TRAPPC9: variants seen among roughly 807,000 people sequenced by gnomAD.
TRAPPC9 encodes the protein IKK2 binding protein.
In TRAPPC9, 83 loss-of-function variants were observed where a neutral mutation model predicts 124.0. The observed-to-expected ratio is 0.67, with a 90% confidence interval of 0.56 to 0.80. TRAPPC9 has a LOEUF of 0.80. TRAPPC9 is among the 30% of genes least tolerant of loss of function. The pLI, the probability that TRAPPC9 is intolerant of heterozygous loss-of-function variation, is 0.00. For synonymous variants in TRAPPC9, 638 were observed against 617.5 expected, an observed-to-expected ratio of 1.03 and a Z score of -0.49; for missense variants, 1,302 against 1,508.3, an observed-to-expected ratio of 0.86 and a Z score of 2.27.
chr8:140,296,599 G>A (rs902379419), intron 11 of TRAPPC9, among the ~76,000 whole-genome samples: 1 of 152,222 alleles, frequency 6.6e-6, no homozygotes, highest in Non-Finnish European at 1.5e-5. Flanking sequence ...GAAAAGCAGA[G>A]AGGCAGGGCC....
At chr8:139,917,188 T>TTTTTTTTG in intron 19 of TRAPPC9, among the ~76,000 whole-genome samples, 1 of 146,898 alleles carries the variant, frequency 6.8e-6, no homozygotes, top group Non-Finnish European at 1.5e-5. Flanking sequence ...TTTTTTTTTT[T>TTTTTTTTG]GTTGAGACGG....
chr8:140,285,538 C>T (rs759616132), intron 13 of TRAPPC9, among the ~76,000 whole-genome samples: 8 of 152,134 alleles, frequency 5.3e-5, no homozygotes, highest in South Asian at 4.1e-4. Context: ...CCTTTGGCAC[C>T]GTGTGTAAGA....
chr8:140,099,916 AG>A (rs1344043096), intron 17 of TRAPPC9: 3 of 147,546 alleles, frequency 2.0e-5, no homozygotes, highest in African/African-American at 7.6e-5. Flanking sequence ...ACGCTCACCC[AG>A]GTCCTCCGCA....
intron 19 of TRAPPC9, among the ~76,000 whole-genome samples, chr8:139,911,725 G>A: frequency 7.1e-6 from 1 of 141,460 alleles, no homozygotes; most frequent in African/African-American, 2.8e-5. Flanking sequence ...AAAAAAGTAG[G>A]CCTTTTTTTT....
intron 19 of TRAPPC9, among the ~76,000 whole-genome samples, chr8:139,981,245 C>A (rs1017639284): frequency 6.6e-6 from 1 of 152,178 alleles, no homozygotes; most frequent in Non-Finnish European, 1.5e-5. Context: ...GCCAGGGAGT[C>A]CAGAGCCCAG....
At chr8:140,201,718 T>C (rs2062794436) in intron 17 of TRAPPC9, among the ~76,000 whole-genome samples, 1 of 152,218 alleles carries the variant, frequency 6.6e-6, no homozygotes, top group Admixed American at 6.5e-5. Flanking sequence ...TTTTATATAA[T>C]ACATCTAACT....
intron 18 of TRAPPC9, among the ~76,000 whole-genome samples, chr8:140,023,139 G>A (rs952861697): frequency 1.3e-5 from 2 of 151,854 alleles, no homozygotes; most frequent in South Asian, 2.1e-4. Context: ...AGCCGGACAC[G>A]AACACCAGGA....
intron 19 of TRAPPC9, chr8:139,931,716 A>G (rs1833156054): frequency 6.4e-6 from 1 of 156,316 alleles, no homozygotes; most frequent in African/African-American, 2.4e-5. Flanking sequence ...GATCTCCACG[A>G]TTTGTCAGCC....
chr8:140,425,279 C>G (rs562480654), intron 5 of TRAPPC9, among the ~76,000 whole-genome samples: 11 of 152,302 alleles, frequency 7.2e-5, no homozygotes, highest in Admixed American at 4.6e-4. Context: ...ACTCGCTCTC[C>G]CATTGGTAAA....
At chr8:139,942,156 C>T (rs545807000) in intron 19 of TRAPPC9, among the ~76,000 whole-genome samples, 1 of 152,278 alleles carries the variant, frequency 6.6e-6, no homozygotes, top group African/African-American at 2.4e-5. Context: ...GACGGTGACT[C>T]GGGATGGTAA....
intron 17 of TRAPPC9, among the ~76,000 whole-genome samples, chr8:140,189,026 A>C (rs912858429): frequency 6.6e-6 from 1 of 152,178 alleles, no homozygotes; most frequent in African/African-American, 2.4e-5. Context: ...ATAACACTAC[A>C]AATGCTTCTG....
At chr8:139,777,735 C>G (rs1350300736) in intron 21 of TRAPPC9, among the ~76,000 whole-genome samples, 1 of 152,162 alleles carries the variant, frequency 6.6e-6, no homozygotes, top group Non-Finnish European at 1.5e-5. Context: ...ATAAAACAGA[C>G]AAAATACATG....
At chr8:140,144,603 C>T (rs1239296834) in intron 17 of TRAPPC9, among the ~76,000 whole-genome samples, 1 of 152,190 alleles carries the variant, frequency 6.6e-6, no homozygotes, top group Non-Finnish European at 1.5e-5. Flanking sequence ...ATTCTCCTGC[C>T]TCAGCCTCCT....
At chr8:140,184,431 CTT>C in intron 17 of TRAPPC9, among the ~76,000 whole-genome samples, 1 of 151,752 alleles carries the variant, frequency 6.6e-6, no homozygotes, top group Admixed American at 6.6e-5. Context: ...TCTTAAATAC[CTT>C]TATTATTTTT....
rs1216025888 is a variant in TRAPPC9 at position 140,063,655 on chromosome 8, T to G, written c.2557-39576A>C. On this transcript the variant is annotated intron_variant, in intron 17 of 22. Transcript: ENST00000438773. This position sits in a 1 kb window ranked among gnomAD's most constrained non-coding sequence, Gnocchi z 4.3. ...TCACACTATAAGATTTAGTGCATAC[T>G]TTTTTCCATAAAAGAATTATTTCGG... is the stretch of plus-strand genomic sequence containing the variant. Among the ~76,000 whole-genome samples, 3 of 152,236 alleles carry G rather than the reference T, an allele frequency of 2.0e-5. No homozygotes were observed. The highest frequency in any genetic ancestry group is 6.5e-5 in the Admixed American group (1 of 15,290).
intron 10 of TRAPPC9, among the ~76,000 whole-genome samples, chr8:140,305,430 A>G (rs1466292810): frequency 1.3e-5 from 2 of 152,062 alleles, no homozygotes; most frequent in Non-Finnish European, 2.9e-5. Context: ...CCACCCAAGT[A>G]GCTGGGACTC....
intron 21 of TRAPPC9, among the ~76,000 whole-genome samples, chr8:139,747,456 TG>T (rs1272357046): frequency 9.8e-5 from 10 of 102,450 alleles, no homozygotes; most frequent in African/African-American, 3.7e-4. Flanking sequence ...TCAGAGCAGG[TG>T]TGGGGGCTGT....
At chr8:140,218,338 A>G (rs2063251353) in intron 17 of TRAPPC9, among the ~76,000 whole-genome samples, 2 of 152,114 alleles carry the variant, frequency 1.3e-5, no homozygotes, top group Admixed American at 1.3e-4. Flanking sequence ...GCTTGGCTAA[A>G]CCTCTGCCCA....
intron 17 of TRAPPC9, among the ~76,000 whole-genome samples, chr8:140,090,218 G>A (rs1180610870): frequency 6.6e-6 from 1 of 152,160 alleles, no homozygotes; most frequent in African/African-American, 2.4e-5. Context: ...ATTTGAGTGT[G>A]TCTGTATGAA....
Sources: allele counts gnomAD v4.1 joint callset (sites outside exome capture counted in the v4.1 genomes callset), GRCh38; gene constraint gnomAD v4.1.1; non-coding constraint Gnocchi (gnomAD v3.1); transcripts MANE v1.5; gene names NCBI Gene and HGNC (gene_info 2026-07-23, HGNC 2026-07-21).